FRK: variants seen among roughly 807,000 people sequenced by gnomAD.
FRK encodes the protein tyrosine-protein kinase FRK.
FRK carries 51 observed loss-of-function variants against 56.4 expected under a neutral mutation model. That is an observed-to-expected ratio of 0.90 (90% CI 0.72 to 1.14). The LOEUF is 1.14. FRK is among the 50% of genes most tolerant of loss of function. The pLI is 0.00. For synonymous variants in FRK, 245 were observed against 217.9 expected, an observed-to-expected ratio of 1.12 and a Z score of -1.10; for missense variants, 570 against 601.4, an observed-to-expected ratio of 0.95 and a Z score of 0.55.
the FRK span, among the ~76,000 whole-genome samples, chr6:116,070,417 A>G: frequency 6.6e-6 from 1 of 152,148 alleles, no homozygotes; most frequent in Non-Finnish European, 1.5e-5. Flanking sequence ...AGATTCCAGG[A>G]CTGGGATCCC....
At chr6:115,979,785 C>T (rs996271311) in intron 2 of FRK, among the ~76,000 whole-genome samples, 1 of 152,114 alleles carries the variant, frequency 6.6e-6, no homozygotes, top group African/African-American at 2.4e-5. Flanking sequence ...GTTACAGTTG[C>T]TTACAGTATT....
chr6:116,054,480 A>AT (rs1403902629), intron 1 of FRK, among the ~76,000 whole-genome samples: 6 of 142,916 alleles, frequency 4.2e-5, no homozygotes, highest in Admixed American at 2.1e-4. Context: ...TATATATAAT[A>AT]TATAATAGTA....
At chr6:115,951,567 G>GT (rs5879357) in intron 5 of FRK, among the ~76,000 whole-genome samples, 4,975 of 152,142 alleles carry the variant, frequency 0.033, 123 homozygotes, top group Admixed American at 0.077. Context: ...CAATACTAAA[G>GT]TTTTTTTACA....
At chr6:116,018,062 G>A (rs1218934793) in intron 1 of FRK, among the ~76,000 whole-genome samples, 1 of 152,202 alleles carries the variant, frequency 6.6e-6, no homozygotes, top group South Asian at 2.1e-4. Context: ...TTCTGCTGAA[G>A]AGGGAATTTC....
chr6:116,051,358 A>G (rs1474877433), intron 1 of FRK, among the ~76,000 whole-genome samples: 1 of 152,190 alleles, frequency 6.6e-6, no homozygotes, highest in East Asian at 1.9e-4. Flanking sequence ...AAAACATTAA[A>G]GAATCTGACA....
At chr6:116,065,341 C>G (rs1047379682), upstream of FRK, among the ~76,000 whole-genome samples, 1 of 152,088 alleles carries the variant, frequency 6.6e-6, no homozygotes, top group Non-Finnish European at 1.5e-5. Flanking sequence ...AACATATTCC[C>G]CCACACATAG....
At chr6:115,968,522 C>T (rs1773674097) in intron 3 of FRK, 54 bp downstream of exon 3, 3 of 1,571,894 alleles carry the variant, frequency 1.9e-6, no homozygotes, top group East Asian at 4.5e-5. Flanking sequence ...ACTCAGATAT[C>T]TGAAGGAAAA....
intron 1 of FRK, among the ~76,000 whole-genome samples, chr6:116,004,954 A>G (rs1775197550): frequency 6.6e-6 from 1 of 152,112 alleles, no homozygotes; most frequent in Non-Finnish European, 1.5e-5. Context: ...AAACACTCCA[A>G]GAGAAGAAAT....
upstream of FRK, among the ~76,000 whole-genome samples, chr6:116,061,950 A>G (rs997829422): frequency 1.3e-4 from 20 of 151,940 alleles, no homozygotes; most frequent in African/African-American, 4.8e-4. Flanking sequence ...AAAGAAAGGA[A>G]GAAAGAAAGA....
intron 1 of FRK, among the ~76,000 whole-genome samples, chr6:116,016,041 T>C (rs1775635799): frequency 6.6e-6 from 1 of 152,172 alleles, no homozygotes; most frequent in Non-Finnish European, 1.5e-5. Context: ...TGCAGAAATT[T>C]GCTTAAGTGA....
the FRK span, among the ~76,000 whole-genome samples, chr6:116,099,727 G>T: frequency 6.6e-6 from 1 of 152,108 alleles, no homozygotes; most frequent in Non-Finnish European, 1.5e-5. Context: ...TCCTCTGATT[G>T]GTCTATTAGC....
At chr6:115,958,564 G>A (rs1582647135) in intron 4 of FRK, among the ~76,000 whole-genome samples, 1 of 150,942 alleles carries the variant, frequency 6.6e-6, no homozygotes, top group South Asian at 2.1e-4. Context: ...GGAGGTGGAG[G>A]TTACAGTGAG....
chr6:116,008,725 C>T (rs976428784), intron 1 of FRK, among the ~76,000 whole-genome samples: 8 of 152,168 alleles, frequency 5.3e-5, no homozygotes, highest in African/African-American at 9.7e-5. Context: ...ACCCCAGGCC[C>T]GGATGTCCAC....
intron 1 of FRK, among the ~76,000 whole-genome samples, chr6:116,044,941 GACAA>G (rs1375855311): frequency 1.3e-5 from 2 of 152,084 alleles, no homozygotes; most frequent in East Asian, 1.9e-4. Flanking sequence ...ACCAATAACA[GACAA>G]ACAGAGAGCC....
Position 115,956,485 on chromosome 6 carries a change from T to A in FRK, c.925A>T (p.Met309Leu), listed in dbSNP as rs756980777. The A allele has an allele frequency of 2.6e-6, 4 of 1,566,554 alleles. No homozygotes were observed. The East Asian group carries it at 6.9e-5, about 27-fold the overall frequency. ...TATTCTTGCAGACTTCCATGTCTCA[T>A]CAACTCTGTAATAATATAAATTGGA... ...EDPIYIITELMRHGSLQEYLQ... is the reference protein window; with the variant it reads ...EDPIYIITELLRHGSLQEYLQ... The change falls in exon 5 of 8, where the codon ATG becomes TTG. Residue 309 changes from methionine to leucine, a missense_variant. Physicochemically the swap from Met to Leu is conservative, Grantham distance 15 (BLOSUM62 2). Transcript: ENST00000606080.
chr6:116,075,565 C>T, the FRK span, among the ~76,000 whole-genome samples: 13 of 151,884 alleles, frequency 8.6e-5, no homozygotes, highest in Non-Finnish European at 1.6e-4. Context: ...GATCAAAGGC[C>T]CACTTTTAAA....
rs531273604 is a variant in FRK at position 116,011,237 on chromosome 6, G to A, written c.345-7239C>T. ...TCATTTCATCTAATAGAATCTTATTGTGCCTCACTGACGTGTACAAACTAG... is the reference window on the plus strand; with the variant it reads ...TCATTTCATCTAATAGAATCTTATTATGCCTCACTGACGTGTACAAACTAG... On this transcript the variant is annotated intron_variant, in intron 1 of 7. Transcript: ENST00000606080. Among the ~76,000 whole-genome samples, 3 of 152,212 alleles carry A rather than the reference G, an allele frequency of 2.0e-5. No individual in the cohort carries two copies. In the South Asian group the frequency reaches 6.2e-4, roughly 32 times the overall value.
At chr6:116,013,283 A>G (rs1445273261) in intron 1 of FRK, among the ~76,000 whole-genome samples, 2 of 152,196 alleles carry the variant, frequency 1.3e-5, no homozygotes, top group Non-Finnish European at 2.9e-5. Flanking sequence ...AATACAACAA[A>G]GTTCATATAA....
chr6:116,064,604 A>G (rs183822339), upstream of FRK, among the ~76,000 whole-genome samples: 132 of 152,186 alleles, frequency 8.7e-4, no homozygotes, highest in African/African-American at 3.0e-3. Flanking sequence ...CATTCTGTCT[A>G]TTGCTTCTCA....
Sources: allele counts gnomAD v4.1 joint callset (sites outside exome capture counted in the v4.1 genomes callset), GRCh38; gene constraint gnomAD v4.1.1; transcripts MANE v1.5; gene names NCBI Gene and HGNC (gene_info 2026-07-23, HGNC 2026-07-21).